The following ADARB2 variants were observed in gnomAD, a reference collection of about 807,000 sequenced individuals.
ADARB2 encodes the protein inactive double-stranded RNA-specific editase B2.
In ADARB2, 25 loss-of-function variants were observed where a neutral mutation model predicts 62.2. The ratio of observed to expected loss-of-function variants is 0.40; its 90% CI spans 0.29 to 0.56. The LOEUF is 0.56. Ranked by LOEUF, ADARB2 falls within the 20% of genes least tolerant of loss-of-function variation. The pLI is 0.43. For synonymous variants in ADARB2, 572 were observed against 500.8 expected, an observed-to-expected ratio of 1.14 and a Z score of -1.90; for missense variants, 1,071 against 1,077.4, an observed-to-expected ratio of 0.99 and a Z score of 0.08.
intron 1 of ADARB2, among the ~76,000 whole-genome samples, chr10:1,696,059 T>C (rs998503438): frequency 6.6e-6 from 1 of 152,066 alleles, no homozygotes; most frequent in African/African-American, 2.4e-5. Context: ...TGCACACACA[T>C]GCATTGTGTA....
intron 1 of ADARB2, among the ~76,000 whole-genome samples, chr10:1,439,936 A>C (rs1830884040): frequency 6.9e-6 from 1 of 144,310 alleles, no homozygotes; most frequent in African/African-American, 2.6e-5. Context: ...GTCCTTCACT[A>C]TGGGGCTCCT....
chr10:1,218,625 C>T (rs969283303), intron 6 of ADARB2, among the ~76,000 whole-genome samples: 47 of 152,150 alleles, frequency 3.1e-4, no homozygotes, highest in East Asian at 1.9e-3. Flanking sequence ...TCCCCAGTGT[C>T]GGAGGTGGAA....
At chr10:1,610,767 CACAT>C (rs1221693939) in intron 1 of ADARB2, among the ~76,000 whole-genome samples, 2 of 152,104 alleles carry the variant, frequency 1.3e-5, no homozygotes, top group Non-Finnish European at 2.9e-5. Context: ...CACACACACA[CACAT>C]GCACAGACAC....
intron 6 of ADARB2, among the ~76,000 whole-genome samples, chr10:1,230,694 C>G (rs1381777046): frequency 6.6e-6 from 1 of 152,140 alleles, no homozygotes; most frequent in Non-Finnish European, 1.5e-5. Flanking sequence ...CTTGAGTTCT[C>G]CTGCCTTTAC....
chr10:1,511,729 G>A (rs559538010), intron 1 of ADARB2, among the ~76,000 whole-genome samples: 3 of 151,800 alleles, frequency 2.0e-5, no homozygotes, highest in Non-Finnish European at 4.4e-5. Context: ...CTTTGATACT[G>A]TCTACACTGG....
At chr10:1,200,268 G>A in intron 7 of ADARB2, 121 bp from the exon 8 acceptor site, 1 of 1,369,774 alleles carries the variant, frequency 7.3e-7, no homozygotes, top group African/African-American at 1.4e-5. Context: ...CGGACCTTGG[G>A]GAGCTCCCTG....
At chr10:1,591,034 T>C (rs959448692) in intron 1 of ADARB2, among the ~76,000 whole-genome samples, 2 of 152,252 alleles carry the variant, frequency 1.3e-5, no homozygotes, top group African/African-American at 4.8e-5. Context: ...GTGCAATTTC[T>C]ATGTGTCGAT....
intron 8 of ADARB2, 82 bp downstream of exon 8, chr10:1,199,884 G>T: frequency 1.5e-6 from 2 of 1,371,452 alleles, no homozygotes; most frequent in East Asian, 2.5e-5. Flanking sequence ...TGAAGTCTGC[G>T]AGGGATGGCA....
chr10:1,629,051 C>T (rs572329524), intron 1 of ADARB2, among the ~76,000 whole-genome samples: 2 of 152,236 alleles, frequency 1.3e-5, no homozygotes, highest in Non-Finnish European at 2.9e-5. Flanking sequence ...TGCTGAGACC[C>T]TCAGTGAGGA....
intron 1 of ADARB2, among the ~76,000 whole-genome samples, chr10:1,409,258 G>A (rs537983057): frequency 2.0e-5 from 2 of 101,652 alleles, no homozygotes; most frequent in African/African-American, 6.0e-5. Flanking sequence ...TCCCACCTTC[G>A]TCGCCCCGCC....
chr10:1,261,755 C>T (rs1831139252), intron 4 of ADARB2, among the ~76,000 whole-genome samples: 1 of 150,080 alleles, frequency 6.7e-6, no homozygotes, highest in South Asian at 2.1e-4. Flanking sequence ...GGATCTAGAA[C>T]TAGAAATACC....
chr10:1,277,488 A>G (rs1403958620), intron 3 of ADARB2, among the ~76,000 whole-genome samples: 1 of 152,240 alleles, frequency 6.6e-6, no homozygotes, highest in East Asian at 1.9e-4. Context: ...CTACGCAAAT[A>G]AACTAGAAAA....
chr10:1,224,805 T>G (rs2131761957), intron 6 of ADARB2, among the ~76,000 whole-genome samples: 1 of 152,348 alleles, frequency 6.6e-6, no homozygotes, highest in Admixed American at 6.5e-5. Context: ...TTCGGTTCTT[T>G]TACATTTGCT....
intron 1 of ADARB2, among the ~76,000 whole-genome samples, chr10:1,507,194 A>T (rs749280058): frequency 1.3e-5 from 2 of 152,206 alleles, no homozygotes; most frequent in African/African-American, 4.8e-5. Flanking sequence ...TGTGATCAAT[A>T]AATACGGAAG....
intron 1 of ADARB2, among the ~76,000 whole-genome samples, chr10:1,697,293 A>G (rs1834759567): frequency 6.6e-6 from 1 of 152,168 alleles, no homozygotes; most frequent in Admixed American, 6.5e-5. Context: ...AGGGAAACTG[A>G]TGAGATTTCC....
intron 1 of ADARB2, among the ~76,000 whole-genome samples, chr10:1,732,179 C>T (rs1441158102): frequency 6.6e-6 from 1 of 151,646 alleles, no homozygotes; most frequent in East Asian, 1.9e-4. Flanking sequence ...CGTGTATATA[C>T]ATATACATAC....
chr10:1,695,786 A>G (rs543324665), intron 1 of ADARB2, among the ~76,000 whole-genome samples: 68 of 152,124 alleles, frequency 4.5e-4, no homozygotes, highest in Non-Finnish European at 9.0e-4. Context: ...GTGCATACAC[A>G]TGGGTGCATG....
chr10:1,250,664 T>C (rs992286610), intron 4 of ADARB2, among the ~76,000 whole-genome samples: 17 of 152,166 alleles, frequency 1.1e-4, no homozygotes, highest in African/African-American at 3.9e-4. Flanking sequence ...TGCAGAAGCA[T>C]GAGCTAGATA....
At chr10:1,417,398 C>T (rs1384377912) in intron 1 of ADARB2, among the ~76,000 whole-genome samples, 5 of 152,024 alleles carry the variant, frequency 3.3e-5, no homozygotes, top group African/African-American at 7.2e-5. Flanking sequence ...CCCAGAGGGT[C>T]GGGAAGAGAT....
Sources: gnomAD v4.1 joint callset for allele counts (sites outside exome capture counted in the v4.1 genomes callset) on GRCh38, gnomAD v4.1.1 for gene constraint, MANE v1.5 for transcripts, NCBI Gene and HGNC (gene_info 2026-07-23, HGNC 2026-07-21) for gene names.